The following GRN variants were observed in gnomAD, a reference collection of about 807,000 sequenced individuals.
The protein encoded by GRN is progranulin.
In GRN, 30 loss-of-function variants were observed where a neutral mutation model predicts 66.7. The observed-to-expected ratio is 0.45, with a 90% CI of 0.34 to 0.61. The LOEUF (loss-of-function observed/expected upper bound fraction) is 0.61, where lower values mean the gene tolerates loss of function less well. GRN is among the 20% of genes least tolerant of loss of function. GRN has a pLI of 0.01. For missense variants in GRN, 731 were observed against 803.5 expected (o/e 0.91, Z 1.09); for synonymous variants, 327 against 311.1 (o/e 1.05, Z -0.54).
rs2048393236 is a variant in GRN, at chr17:44,352,894, C to T, written c.*96C>T. The T allele has an allele frequency of 8.3e-7, 1 of 1,205,910 alleles. No individual in the cohort carries two copies. Among genetic ancestry groups the T allele is most frequent in the Non-Finnish European group, 1.2e-6 (1 of 837,798 alleles). The allele number at this position is 1,205,910 out of a possible 1,614,324, so 74.7% of individuals were successfully genotyped here. Reference sequence around the variant, plus strand: ...GCACCTCCCCCTAACCAAATTCTCCCTGGACCCCATTCTGAGCTCCCCATC... The same window carrying T: ...GCACCTCCCCCTAACCAAATTCTCCTTGGACCCCATTCTGAGCTCCCCATC... On this transcript the variant is annotated 3_prime_UTR_variant, in exon 13 of 13. Coordinates refer to ENST00000053867, the MANE Select transcript of GRN (RefSeq NM_002087.4).
chr17:44,351,581 G>A lies in GRN; in HGVS notation c.965G>A (p.Cys322Tyr). 6.2e-7 allele frequency: 1 copy of A among 1,614,062 alleles called. No homozygotes were observed. Residue 322 changes from cysteine (C) to tyrosine (Y), a missense_variant, in exon 10 of 13, where the codon TGT (cysteine) becomes TAT (tyrosine). By Grantham distance (194) the Cys-to-Tyr change is radical. This residue lies in a region of GRN where 42 missense variants were observed against 76.6 expected (regional missense o/e 0.55). Transcript: ENST00000053867. ...AVCCEDHIHC[C>Y]PAGFTCDTQK... is the part of the protein sequence containing the mutation. ...TGCTGTGAGGACCACATACACTGCT[G>A]TCCCGCGGGGTTTACGTGTGACACG... is the stretch of plus-strand genomic sequence containing the variant.
In GRN at chr17:44,349,406, C is replaced by A. The variant is rs1357017728; in HGVS notation, c.139-20C>A. 7 of 1,614,090 alleles carry A rather than the reference C, an allele frequency of 4.3e-6. No homozygotes were observed. The Admixed American group carries it at 5.0e-5, about 12-fold the overall frequency. ...CGCCAGGCACAAGTCTGTGGTTTAT[C>A]ATTTTCCCTGTCTTTCTAGGACAAA... On this transcript the variant is annotated intron_variant, in intron 2 of 12. Coordinates refer to ENST00000053867, the MANE Select transcript of GRN (RefSeq NM_002087.4).
At chr17:44,351,302 G>A in intron 8 of GRN, 61 bp from the exon 9 acceptor site, 1 of 1,530,872 alleles carries the variant, frequency 6.5e-7, no homozygotes, top group East Asian at 2.2e-5. Context: ...CCGGCAAAGG[G>A]TTGATACCCC....
chr17:44,350,127 G>A (rs773193951), intron 4 of GRN, 101 bp from the exon 5 acceptor site: 68 of 854,582 alleles, frequency 8.0e-5, no homozygotes, highest in Non-Finnish European at 1.3e-4. Context: ...TCAAACCCCA[G>A]TAGCTGGGCT....
At chr17:44,347,577 G>A (rs546896119) in intron 1 of GRN, among the ~76,000 whole-genome samples, 7 of 151,722 alleles carry the variant, frequency 4.6e-5, no homozygotes, top group African/African-American at 1.4e-4. Flanking sequence ...GTTAGCCACC[G>A]CGCCCAATAT....
In GRN at chr17:44,352,056, C is replaced by A. The variant is rs201630084; in HGVS notation, c.1221C>A (p.Gly407=). 18 of 1,613,666 alleles carry A rather than the reference C, an allele frequency of 1.1e-5. No individual in the cohort carries two copies. The highest frequency in any genetic ancestry group is 1.4e-5 in the Non-Finnish European group (16 of 1,179,986). The change falls in exon 11 of 13, where the codon GGC becomes GGA. Residue 407 remains glycine, a synonymous_variant. Coordinates refer to ENST00000053867, the MANE Select transcript of GRN (RefSeq NM_002087.4). The stretch of plus-strand genomic sequence containing the variant: ...ACCACCAGCACTGCTGCCCCCAGGG[C>A]TACACGTGTGTAGCTGAGGGGCAGT... ...CSDHQHCCPQ[G]YTCVAEGQCQ...
intron 1 of GRN, among the ~76,000 whole-genome samples, chr17:44,348,547 G>C (rs2048342225): frequency 6.6e-6 from 1 of 152,194 alleles, no homozygotes; most frequent in South Asian, 2.1e-4. Context: ...TGGGCAGATG[G>C]TGACCTCTGG....
intron 1 of GRN, chr17:44,345,604 CGGTA>C (rs1282478236): frequency 6.6e-6 from 1 of 152,374 alleles, no homozygotes; most frequent in Non-Finnish European, 1.5e-5. Context: ...CCACCCCTGT[CGGTA>C]GGTGCTGGCT....
chr17:44,351,878 G>C, intron 10 of GRN, 83 bp downstream of exon 10: 1 of 1,523,010 alleles, frequency 6.6e-7, no homozygotes, highest in Non-Finnish European at 9.0e-7. Flanking sequence ...ATAGCCCATA[G>C]GTGATACCCA....
rs1598362876 is a variant in GRN at position 44,349,537 on chromosome 17, T to C, written c.250T>C (p.Cys84Arg). ...IFTVSGTSSC[C>R]PFPEAVACGD... ...TACCGTCTCAGGGACTTCCAGTTGC[T>C]GCCCCTTCCCAGAGGTGAGCGTGCC... is the stretch of plus-strand genomic sequence containing the variant. The change falls in exon 3 of 13, where the codon TGC (cysteine) becomes CGC (arginine). Residue 84 changes from cysteine (C) to arginine (R), a missense_variant. Physicochemically the swap from Cys to Arg is radical, Grantham distance 180 (BLOSUM62 -3). This residue lies in a region of GRN where 370 missense variants were observed against 379.8 expected (regional missense o/e 0.97). Coordinates refer to ENST00000053867, the MANE Select transcript of GRN (RefSeq NM_002087.4). The C allele has an allele frequency of 2.5e-6, 4 of 1,614,072 alleles. No homozygotes were observed. In the East Asian group the frequency reaches 8.9e-5, roughly 36 times the overall value.
In GRN at chr17:44,350,213, T is replaced by A; in HGVS notation, c.350-15T>A. ...CTGAGTGGGCTGGTAGTATCCTGGG[T>A]CATCTTGTCCACAGGTAACAACTCC... is the stretch of plus-strand genomic sequence containing the variant. On this transcript the variant is annotated splice_polypyrimidine_tract_variant and intron_variant, in intron 4 of 12. Coordinates refer to ENST00000053867, the MANE Select transcript of GRN (RefSeq NM_002087.4). 1 of 1,568,174 alleles carries A rather than the reference T, an allele frequency of 6.4e-7. No individual in the cohort carries two copies. The highest frequency in any genetic ancestry group is 8.8e-7 in the Non-Finnish European group (1 of 1,138,296).
At chr17:44,350,064 T>G (rs969987664) in intron 4 of GRN, among the ~76,000 whole-genome samples, 164 bp from the exon 5 acceptor site, 4 of 152,012 alleles carry the variant, frequency 2.6e-5, no homozygotes, top group Admixed American at 2.6e-4. Context: ...GACTGGATTG[T>G]GAGGAGGGTG....
intron 9 of GRN, 39 bp from the exon 10 acceptor site, chr17:44,351,511 G>T (rs775108834): frequency 1.9e-6 from 3 of 1,613,418 alleles, no homozygotes; most frequent in Non-Finnish European, 2.5e-6. Context: ...GCAGGCAGCC[G>T]GGCCCCAGTG....
At chr17:44,349,070 T>C in intron 1 of GRN, 88 bp from the exon 2 acceptor site, 1 of 1,445,566 alleles carries the variant, frequency 6.9e-7, no homozygotes, top group East Asian at 2.3e-5. Context: ...GGCCAGGACC[T>C]TGGCCTGGGG....
chr17:44,348,002 A>C (rs1411562054), intron 1 of GRN, among the ~76,000 whole-genome samples: 1 of 151,830 alleles, frequency 6.6e-6, no homozygotes, highest in Non-Finnish European at 1.5e-5. Flanking sequence ...GTAGGAGGCC[A>C]AGGTTGGAGG....
rs747463602 is a variant in GRN, at chr17:44,353,062, G to C, written c.*264G>C. On this transcript the variant is annotated 3_prime_UTR_variant, in exon 13 of 13. Transcript: ENST00000053867. ...TTTCCCTATCCACAGGGGTGTTTGT[G>C]TGTGTGCGCGTGTGCGTTTCAATAA... 2.2e-5 allele frequency: 13 copies of C among 584,072 alleles called. No individual in the cohort carries two copies. The highest frequency in any genetic ancestry group is 4.0e-5 in the Non-Finnish European group (13 of 326,336). 36.2% of individuals were successfully genotyped at this position (584,072 alleles called of 1,614,324 possible).
chr17:44,352,450 T>C lies in GRN; in HGVS notation c.1523T>C (p.Leu508Pro). 1 of 1,614,126 alleles carries C rather than the reference T, an allele frequency of 6.2e-7. No individual in the cohort carries two copies. The highest frequency in any genetic ancestry group is 8.5e-7 in the Non-Finnish European group (1 of 1,180,004). ...EVVSAQPATF[L>P]ARSPHVGVKD... ...GTCTCTGCCCAGCCTGCCACCTTCC[T>C]GGCCCGTAGCCCTCACGTGGGTGTG... The change falls in exon 12 of 13, where the codon CTG (leucine) becomes CCG (proline). Residue 508 changes from leucine (L) to proline (P), a missense_variant. By Grantham distance (98) the Leu-to-Pro change is moderately conservative (BLOSUM62 -3). Coordinates refer to ENST00000053867, the MANE Select transcript of GRN (RefSeq NM_002087.4).
chr17:44,350,391 TGGGGGCCAGGGGCAGGGG>T, intron 5 of GRN, 33 bp from the exon 6 acceptor site: 2 of 1,172,420 alleles, frequency 1.7e-6, no homozygotes, highest in Non-Finnish European at 2.3e-6. Flanking sequence ...GGGGCAGAGT[TGGGGGCCAGGGGCAGGGG>T]GTGAAGACGG....
At position 44,347,827 on chromosome 17, in the gene GRN, C is replaced by T. The variant is rs2048336654; in HGVS notation, c.-7-1331C>T. 2.0e-5 allele frequency among the ~76,000 whole-genome samples: 3 copies of T among 151,266 alleles called. No individual in the cohort carries two copies. In the South Asian group the frequency reaches 6.3e-4, roughly 32 times the overall value. ...ATTAGCCAGGCGTGGTGGCGAGCGC[C>T]TGTAGTCCCAGCTACTTGCTTGAAC... On this transcript the variant is annotated intron_variant, in intron 1 of 12. Coordinates refer to ENST00000053867, the MANE Select transcript of GRN (RefSeq NM_002087.4).
Sources: gnomAD v4.1 joint callset for allele counts (sites outside exome capture counted in the v4.1 genomes callset) on GRCh38, gnomAD v4.1.1 for gene constraint, gnomAD v4.1.1 regional missense constraint, MANE v1.5 for transcripts, NCBI Gene and HGNC (gene_info 2026-07-23, HGNC 2026-07-21) for gene names.